LMAN1: variants seen among roughly 807,000 people sequenced by gnomAD.
The protein encoded by LMAN1 is lectin, mannose binding 1.
In LMAN1, 32 loss-of-function variants were observed where a neutral mutation model predicts 67.8. The observed-to-expected ratio is 0.47, with a 90% confidence interval of 0.36 to 0.63. The LOEUF (loss-of-function observed/expected upper bound fraction) is 0.63. Among genes scored for constraint, LMAN1 ranks in the 30% least tolerant of loss-of-function variants. The pLI is 0.00. For missense variants in LMAN1, 632 were observed against 628.2 expected (o/e 1.01, Z -0.06); for synonymous variants, 235 against 219.3 (o/e 1.07, Z -0.63).
chr18:59,346,871 G>A lies in LMAN1; in HGVS notation c.822+642C>T, dbSNP rs141437034. The stretch of plus-strand genomic sequence containing the variant: ...ACCATTTACTGAGCACTTGCTATAC[G>A]TGCACTGTCTCAATCCTTCAATATC... On this transcript the variant is annotated intron_variant, in intron 7 of 12. Transcript: ENST00000251047. Among the ~76,000 whole-genome samples, 125 of 152,058 alleles carry A rather than the reference G, an allele frequency of 8.2e-4. 1 individual carries two copies. Among genetic ancestry groups the A allele is most frequent in the African/African-American group, 2.9e-3 (119 of 41,476 alleles).
rs947806582 is a variant in LMAN1 at position 59,330,704 on chromosome 18, T to C, written c.*389A>G. 5.8e-6 allele frequency: 1 copy of C among 171,640 alleles called. No individual in the cohort carries two copies. The highest frequency in any genetic ancestry group is 1.2e-5 in the Non-Finnish European group (1 of 80,604). 10.6% of individuals were successfully genotyped at this position (171,640 alleles called of 1,614,324 possible). A position where few individuals can be genotyped will look rare whatever the true frequency, so the allele number is the denominator to read the frequency against. ...TACAAAATAAACCTGATGGGACTTC[T>C]TAATTAGACCTCATATTCTGGGAGG... On this transcript the variant is annotated 3_prime_UTR_variant, in exon 13 of 13. Transcript: ENST00000251047.
rs760466931 is a variant in LMAN1 at position 59,331,563 on chromosome 18, TAC to T, written c.1375-26_1375-25del. On this transcript the variant is annotated intron_variant, in intron 11 of 12. Transcript: ENST00000251047. Reference sequence around the variant, plus strand: ...GGCTGTAAGGCAAATGACTTTCTATTACAGTTAGTCAAAATAGCAGTTTGGAA... The same window carrying T: ...GGCTGTAAGGCAAATGACTTTCTATTAGTTAGTCAAAATAGCAGTTTGGAA... 42 of 1,611,516 alleles carry T rather than the reference TAC, an allele frequency of 2.6e-5. No homozygotes were observed. The African/African-American group carries it at 4.7e-4, about 18-fold the overall frequency.
intron 5 of LMAN1, among the ~76,000 whole-genome samples, chr18:59,351,181 G>C (rs767528228): frequency 5.9e-5 from 9 of 152,168 alleles, no homozygotes; most frequent in Non-Finnish European, 4.4e-5. Context: ...TATGCCTATT[G>C]TGAGAAGTTT....
intron 10 of LMAN1, 28 bp from the exon 11 acceptor site, chr18:59,333,272 A>C (rs778110010): frequency 1.1e-5 from 17 of 1,604,132 alleles, no homozygotes; most frequent in Non-Finnish European, 1.4e-5. Context: ...TTGATACAAT[A>C]AAATCACTAT....
At chr18:59,332,943 T>C in intron 11 of LMAN1, 148 bp downstream of exon 11, 2 of 650,932 alleles carry the variant, frequency 3.1e-6, no homozygotes, top group Non-Finnish European at 5.2e-6. Flanking sequence ...CCAGGACACA[T>C]GGAGATCTGC....
At chr18:59,336,766 C>T (rs989364693) in intron 10 of LMAN1, among the ~76,000 whole-genome samples, 3 of 151,974 alleles carry the variant, frequency 2.0e-5, no homozygotes, top group African/African-American at 7.3e-5. Context: ...TACCTGTAGT[C>T]CCAGCTACTC....
In LMAN1 at chr18:59,347,636, G is replaced by C. The variant is rs1908449342; in HGVS notation, c.764-65C>G. 2.8e-6 allele frequency: 3 copies of C among 1,075,622 alleles called. No homozygotes were observed. In the South Asian group the frequency reaches 4.4e-5, roughly 16 times the overall value. The allele number at this position is 1,075,622 out of a possible 1,614,324, so 66.6% of individuals were successfully genotyped here. A position where few individuals can be genotyped will look rare whatever the true frequency, so the allele number is the denominator to read the frequency against. On this transcript the variant is annotated intron_variant, in intron 6 of 12. Coordinates refer to ENST00000251047, the MANE Select transcript of LMAN1 (RefSeq NM_005570.4). Reference sequence around the variant, plus strand: ...GGAGATTACTTTTATCATTGTAAATGTATTTTATCAATATTTATTGTTTTA... The same window carrying C: ...GGAGATTACTTTTATCATTGTAAATCTATTTTATCAATATTTATTGTTTTA...
intron 7 of LMAN1, among the ~76,000 whole-genome samples, 185 bp from the exon 8 acceptor site, chr18:59,346,236 T>TTTTTTTTA (rs1555672076): frequency 9.7e-6 from 1 of 102,584 alleles, no homozygotes. Flanking sequence ...TTTTTTTTTT[T>TTTTTTTTA]AGAGACAAGA....
chr18:59,333,322 ACTTTT>A, intron 10 of LMAN1, 78 bp from the exon 11 acceptor site: 2 of 1,110,602 alleles, frequency 1.8e-6, no homozygotes, highest in Non-Finnish European at 2.6e-6. Flanking sequence ...CAATACTTTT[ACTTTT>A]CAAGTCTAAT....
intron 8 of LMAN1, among the ~76,000 whole-genome samples, chr18:59,340,305 A>G (rs1204507477): frequency 6.6e-6 from 1 of 152,228 alleles, no homozygotes; most frequent in East Asian, 1.9e-4. Flanking sequence ...CCAGAAAAAT[A>G]TATTGCAAAA....
At chr18:59,345,426 GAGA>G (rs1908377724) in intron 8 of LMAN1, among the ~76,000 whole-genome samples, 2 of 152,272 alleles carry the variant, frequency 1.3e-5, no homozygotes, top group African/African-American at 4.8e-5. Flanking sequence ...GTATGGGGAG[GAGA>G]AGCAGATATG....
rs978710387 is a variant in LMAN1 at position 59,333,140 on chromosome 18, T to G, written c.1325A>C (p.His442Pro). 6.2e-7 allele frequency: 1 copy of G among 1,613,790 alleles called. No homozygotes were observed. The change falls in exon 11 of 13, where the codon CAC becomes CCC. Residue 442 changes from histidine to proline, a missense_variant. Coordinates refer to ENST00000251047, the MANE Select transcript of LMAN1 (RefSeq NM_005570.4). ...TTQHFIDIKE[H>P]LHIVKRDIDN... The stretch of plus-strand genomic sequence containing the variant: ...TATGTCCCTCTTTACTATGTGCAGG[T>G]GCTCTTTGATGTCAATGAAGTGCTG...
chr18:59,345,141 T>A (rs917828619), intron 8 of LMAN1, among the ~76,000 whole-genome samples: 1 of 152,236 alleles, frequency 6.6e-6, no homozygotes, highest in African/African-American at 2.4e-5. Flanking sequence ...GTTTCATTTT[T>A]AAATTCATTA....
In LMAN1 at chr18:59,330,883, C is replaced by T. The variant is rs182963083; in HGVS notation, c.*210G>A. On this transcript the variant is annotated 3_prime_UTR_variant, in exon 13 of 13. Coordinates refer to ENST00000251047, the MANE Select transcript of LMAN1 (RefSeq NM_005570.4). ...CTGCATCATACTGACCAGAAATTCA[C>T]TGAAATTTAGACAGATTTACATACT... is the stretch of plus-strand genomic sequence containing the variant. 42 of 564,146 alleles carry T rather than the reference C, an allele frequency of 7.4e-5. No individual in the cohort carries two copies. The African/African-American group carries it at 7.8e-4, about 10-fold the overall frequency. 34.9% of individuals were successfully genotyped at this position (564,146 alleles called of 1,614,324 possible).
chr18:59,331,324 G>C (rs1355974951), intron 12 of LMAN1, 94 bp downstream of exon 12: 8 of 1,329,270 alleles, frequency 6.0e-6, no homozygotes, highest in Non-Finnish European at 7.5e-6. Context: ...TATAGGTGGT[G>C]AAAATTGTAT....
chr18:59,341,799 C>T (rs1284512415), intron 8 of LMAN1, among the ~76,000 whole-genome samples: 1 of 151,766 alleles, frequency 6.6e-6, no homozygotes, highest in Non-Finnish European at 1.5e-5. Context: ...CAAACCAAAC[C>T]CAAAGTTAGC....
At chr18:59,350,384 C>G (rs1240323991) in intron 5 of LMAN1, among the ~76,000 whole-genome samples, 1 of 152,192 alleles carries the variant, frequency 6.6e-6, no homozygotes, top group African/African-American at 2.4e-5. Flanking sequence ...TAGATTATTA[C>G]ATTCAAATTA....
chr18:59,338,506 T>G (rs1473714883), intron 10 of LMAN1, 51 bp downstream of exon 10: 5 of 1,476,692 alleles, frequency 3.4e-6, no homozygotes, highest in Non-Finnish European at 3.8e-6. Context: ...AGTCACAAAT[T>G]TAGGATAAAA....
At chr18:59,356,457 A>G (rs1908662470) in intron 1 of LMAN1, among the ~76,000 whole-genome samples, 1 of 152,194 alleles carries the variant, frequency 6.6e-6, no homozygotes, top group East Asian at 1.9e-4. Context: ...TATTTCTCCT[A>G]TTATTAGACT....
Sources: allele counts gnomAD v4.1 joint callset (sites outside exome capture counted in the v4.1 genomes callset), GRCh38; gene constraint gnomAD v4.1.1; transcripts MANE v1.5; gene names NCBI Gene and HGNC (gene_info 2026-07-23, HGNC 2026-07-21).